CEP128: variants seen among roughly 807,000 people sequenced by gnomAD.
CEP128 encodes the protein centrosomal protein 128kDa.
Under a neutral mutation model 156.7 loss-of-function variants are expected in CEP128, and 132 were observed. That is an observed-to-expected ratio of 0.84 (90% CI 0.73 to 0.97). The LOEUF (loss-of-function observed/expected upper bound fraction) is 0.97, where lower values mean the gene tolerates loss of function less well. Ranked by LOEUF, CEP128 falls within the 50% of genes least tolerant of loss-of-function variation. The pLI, the probability that CEP128 is intolerant of heterozygous loss-of-function variation, is 0.00. For synonymous variants in CEP128, 469 were observed against 448.9 expected, an observed-to-expected ratio of 1.04 and a Z score of -0.57; for missense variants, 1,252 against 1,281.9, an observed-to-expected ratio of 0.98 and a Z score of 0.36.
Position 80,861,160 on chromosome 14 carries a change from A to G in CEP128, c.762+1597T>C, listed in dbSNP as rs916663572. ...ATCATAAAAAAATTTTTAAATCACT[A>G]TCTGGCACTACTTATAGTAGTAATT... is the stretch of plus-strand genomic sequence containing the variant. On this transcript the variant is annotated intron_variant, in intron 9 of 24. Transcript: ENST00000555265. Among the ~76,000 whole-genome samples, 4 of 152,006 alleles carry G rather than the reference A, an allele frequency of 2.6e-5. No homozygotes were observed. In the East Asian group the frequency reaches 7.7e-4, roughly 29 times the overall value.
intron 19 of CEP128, among the ~76,000 whole-genome samples, chr14:80,708,266 A>C (rs940304113): frequency 1.3e-5 from 2 of 152,182 alleles, no homozygotes; most frequent in African/African-American, 4.8e-5. Flanking sequence ...AAAAATGCTT[A>C]TGAAAATTAA....
At chr14:80,617,219 C>CTTTT (rs3069115) in intron 19 of CEP128, among the ~76,000 whole-genome samples, 11,653 of 59,714 alleles carry the variant, frequency 0.2, 4,123 homozygotes, top group Admixed American at 0.26. Context: ...TGAATATCAT[C>CTTTT]TTTTTTTTTT....
intron 8 of CEP128, among the ~76,000 whole-genome samples, chr14:80,867,604 C>T (rs1172901210): frequency 6.6e-6 from 1 of 151,788 alleles, no homozygotes; most frequent in East Asian, 1.9e-4. Flanking sequence ...CCAGAGCAAT[C>T]TTGAAGCAAA....
At chr14:80,631,355 A>G (rs1374529565) in intron 19 of CEP128, among the ~76,000 whole-genome samples, 1 of 152,082 alleles carries the variant, frequency 6.6e-6, no homozygotes, top group African/African-American at 2.4e-5. Flanking sequence ...TTTTAGAATG[A>G]TGGAAGGAAG....
intron 9 of CEP128, among the ~76,000 whole-genome samples, chr14:80,850,747 C>G (rs1281068280): frequency 6.6e-6 from 1 of 152,152 alleles, no homozygotes; most frequent in African/African-American, 2.4e-5. Context: ...AAGAGGTCTA[C>G]ATTTAGAATG....
intron 13 of CEP128, among the ~76,000 whole-genome samples, chr14:80,825,578 AAACT>A (rs904802304): frequency 3.9e-5 from 6 of 152,362 alleles, no homozygotes; most frequent in South Asian, 4.1e-4. Flanking sequence ...TAATAAATAC[AAACT>A]AATTAGTAAT....
At chr14:80,690,548 A>G (rs1235953467) in intron 19 of CEP128, among the ~76,000 whole-genome samples, 1 of 152,182 alleles carries the variant, frequency 6.6e-6, no homozygotes, top group African/African-American at 2.4e-5. Flanking sequence ...AGGATATTTA[A>G]AGAGAAATAT....
intron 19 of CEP128, among the ~76,000 whole-genome samples, chr14:80,724,809 T>A (rs1897950174): frequency 6.6e-6 from 1 of 151,818 alleles, no homozygotes; most frequent in South Asian, 2.1e-4. Flanking sequence ...GCTTAATGTT[T>A]TTTTCTTTTT....
At position 80,955,736 on chromosome 14, in the gene CEP128, T is replaced by C. The variant is rs1296628682; in HGVS notation, c.-172+2442A>G. On this transcript the variant is annotated intron_variant, in intron 2 of 7. Transcript: ENST00000555529. ...CTGCTGCTCGACCTGCCCAGGGACC[T>C]GGGCGGAATGGGGTGTTCGTCTCCA... 2.9e-5 allele frequency: 47 copies of C among 1,614,030 alleles called. 1 individual carries two copies. Among genetic ancestry groups the C allele is most frequent in the Non-Finnish European group, 4.0e-5 (47 of 1,180,028 alleles).
chr14:80,561,291 C>T (rs550612505), intron 20 of CEP128, among the ~76,000 whole-genome samples: 1 of 152,320 alleles, frequency 6.6e-6, no homozygotes, highest in Non-Finnish European at 1.5e-5. Flanking sequence ...AAGAGGGCCT[C>T]ACCCTTACCC....
chr14:80,859,603 C>T (rs1887415214), intron 9 of CEP128, among the ~76,000 whole-genome samples: 1 of 151,990 alleles, frequency 6.6e-6, no homozygotes, highest in Non-Finnish European at 1.5e-5. Flanking sequence ...ATTCATGTGA[C>T]TTCAATAGCA....
At chr14:80,905,874 A>G in intron 5 of CEP128, 81 bp downstream of exon 5, 2 of 1,387,458 alleles carry the variant, frequency 1.4e-6, no homozygotes, top group Non-Finnish European at 2.0e-6. Context: ...TGTGTGGGTC[A>G]TATTTCTCCA....
intron 19 of CEP128, among the ~76,000 whole-genome samples, chr14:80,592,520 C>A (rs1892122255): frequency 6.6e-6 from 1 of 152,238 alleles, no homozygotes; most frequent in African/African-American, 2.4e-5. Flanking sequence ...GCCTACCAAC[C>A]AAAACAAGCC....
intron 19 of CEP128, among the ~76,000 whole-genome samples, chr14:80,713,708 T>C (rs1425658249): frequency 6.6e-6 from 1 of 152,238 alleles, no homozygotes; most frequent in Non-Finnish European, 1.5e-5. Context: ...TGTATCCACT[T>C]AAAGCATAAC....
At chr14:80,702,855 T>A (rs1348215234) in intron 19 of CEP128, among the ~76,000 whole-genome samples, 1 of 151,964 alleles carries the variant, frequency 6.6e-6, no homozygotes, top group Non-Finnish European at 1.5e-5. Context: ...GGAAAAAAAA[T>A]TCAAGACATA....
intron 19 of CEP128, among the ~76,000 whole-genome samples, chr14:80,671,174 T>C (rs951285364): frequency 5.9e-5 from 9 of 152,280 alleles, no homozygotes; most frequent in African/African-American, 2.2e-4. Flanking sequence ...CCTTCAGCAT[T>C]TTGTCAGATG....
At position 80,484,959 on chromosome 14, in the gene CEP128, A is replaced by G. The variant is rs559184281; in HGVS notation, c.*311-6552T>C. Among the ~76,000 whole-genome samples the G allele has an allele frequency of 4.6e-5, 7 of 152,270 alleles. No homozygotes were observed. In the Middle Eastern group the frequency reaches 0.01, roughly 222 times the overall value. The stretch of plus-strand genomic sequence containing the variant: ...GAAAGGGTAGAGAAATCTGACCTCA[A>G]TTGTGGGCATTGGTGTGAGAAATAA... On this transcript the variant is annotated intron_variant and NMD_transcript_variant, in intron 14 of 14. Transcript: ENST00000554502.
intron 8 of CEP128, among the ~76,000 whole-genome samples, chr14:80,893,356 T>G (rs1193759954): frequency 6.6e-6 from 1 of 151,792 alleles, no homozygotes; most frequent in Non-Finnish European, 1.5e-5. Context: ...AATGGGAAGA[T>G]GCAGGTCAGA....
intron 19 of CEP128, among the ~76,000 whole-genome samples, chr14:80,600,741 T>C (rs1019420342): frequency 6.6e-6 from 1 of 152,154 alleles, no homozygotes; most frequent in African/African-American, 2.4e-5. Context: ...AAAATGTATT[T>C]TTTTCTTTGT....
Sources: allele counts gnomAD v4.1 joint callset (sites outside exome capture counted in the v4.1 genomes callset), GRCh38; gene constraint gnomAD v4.1.1; transcripts MANE v1.5; gene names NCBI Gene and HGNC (gene_info 2026-07-23, HGNC 2026-07-21).